MAGI2: variants seen among roughly 807,000 people sequenced by gnomAD.
The protein encoded by MAGI2 is membrane associated guanylate kinase, WW and PDZ domain containing 2.
In MAGI2, 35 loss-of-function variants were observed where a neutral mutation model predicts 133.3. The observed-to-expected ratio is 0.26, with a 90% confidence interval of 0.20 to 0.35. The LOEUF is 0.35. Ranked by LOEUF, MAGI2 falls within the 10% of genes least tolerant of loss-of-function variation. MAGI2 has a pLI of 1.00. For missense variants in MAGI2, 1,636 were observed against 1,863.4 expected (o/e 0.88, Z 2.25); for synonymous variants, 729 against 710.6 (o/e 1.03, Z -0.41).
chr7:79,295,714 A>T (rs1188515938), intron 1 of MAGI2, among the ~76,000 whole-genome samples: 1 of 152,020 alleles, frequency 6.6e-6, no homozygotes, highest in Non-Finnish European at 1.5e-5. Context: ...TTACGAAAGC[A>T]GGAATTTTTT....
chr7:79,368,961 G>GACCA (rs1734664322), intron 1 of MAGI2, among the ~76,000 whole-genome samples: 2 of 151,782 alleles, frequency 1.3e-5, no homozygotes, highest in Non-Finnish European at 2.9e-5. Context: ...CTGTGTGGTG[G>GACCA]TCTACTTCTG....
At chr7:78,841,570 C>G (rs1244239770) in intron 2 of MAGI2, among the ~76,000 whole-genome samples, 1 of 152,004 alleles carries the variant, frequency 6.6e-6, no homozygotes, top group African/African-American at 2.4e-5. Flanking sequence ...CTCCTCAAAT[C>G]TACACATCCA....
chr7:78,157,836 A>G (rs753632824), intron 16 of MAGI2, among the ~76,000 whole-genome samples: 17 of 152,200 alleles, frequency 1.1e-4, no homozygotes, highest in East Asian at 1.9e-4. Context: ...CTTTTAGTCT[A>G]TGCTTAAAGA....
At chr7:79,429,920 C>T (rs1346544065) in intron 1 of MAGI2, among the ~76,000 whole-genome samples, 3 of 151,890 alleles carry the variant, frequency 2.0e-5, no homozygotes, top group African/African-American at 7.3e-5. Context: ...GGAGTTATAA[C>T]TTAAAATTCC....
chr7:79,263,989 G>A (rs1563058816), intron 1 of MAGI2, among the ~76,000 whole-genome samples: 2 of 152,100 alleles, frequency 1.3e-5, no homozygotes, highest in African/African-American at 2.4e-5. Flanking sequence ...AAGGTCTATG[G>A]CAGAAATGTA....
chr7:78,525,113 A>G (rs1202001642), intron 3 of MAGI2, among the ~76,000 whole-genome samples: 3 of 152,232 alleles, frequency 2.0e-5, no homozygotes, highest in Non-Finnish European at 1.5e-5. Flanking sequence ...TGATATGACT[A>G]TAAATTATAC....
Position 78,401,815 on chromosome 7 carries a change from T to C in MAGI2, c.1046-32602A>G, listed in dbSNP as rs1404529561. Among the ~76,000 whole-genome samples, 4 of 152,330 alleles carry C rather than the reference T, an allele frequency of 2.6e-5. No homozygotes were observed. In the East Asian group the frequency reaches 7.7e-4, roughly 29 times the overall value. On this transcript the variant is annotated intron_variant, in intron 6 of 21. Transcript: ENST00000354212. ...GACAATAATACCTACCACACAGGAC[T>C]GAGGAAAGTATTTAAACACCTTGTA... is the stretch of plus-strand genomic sequence containing the variant.
At chr7:78,203,691 A>G (rs1436356734) in intron 10 of MAGI2, among the ~76,000 whole-genome samples, 1 of 152,256 alleles carries the variant, frequency 6.6e-6, no homozygotes, top group Non-Finnish European at 1.5e-5. Context: ...AAGGAATTTT[A>G]TATGGTAAGA....
At chr7:79,008,277 T>A (rs1043040916) in intron 1 of MAGI2, among the ~76,000 whole-genome samples, 15 of 152,136 alleles carry the variant, frequency 9.9e-5, no homozygotes, top group African/African-American at 3.6e-4. Flanking sequence ...AATTCATGAA[T>A]CTATTTGCAC....
At position 78,161,667 on chromosome 7, in the gene MAGI2, T is replaced by TAAAAAAAAAAAAAAAA. The variant is rs71515391; in HGVS notation, c.2597-1410_2597-1395dup. Among the ~76,000 whole-genome samples the TAAAAAAAAAAAAAAAA allele has an allele frequency of 1.4e-3, 99 of 68,884 alleles. 1 individual carries two copies. Among genetic ancestry groups the TAAAAAAAAAAAAAAAA allele is most frequent in the East Asian group, 1.6e-3 (3 of 1,866 alleles). The allele number at this position is 68,884 out of a possible 152,430, so 45.2% of individuals were successfully genotyped here. Reference sequence around the variant, plus strand: ...AGAGACGTTTTGTTACATCGATACCTAAAAAAAAAAAAAAAAAAAAGAAAA... The same window carrying TAAAAAAAAAAAAAAAA: ...AGAGACGTTTTGTTACATCGATACCTAAAAAAAAAAAAAAAAAAAAAAAAAAAAAAAAAAAAGAAAA... On this transcript the variant is annotated intron_variant, in intron 15 of 21. Coordinates refer to ENST00000354212, the MANE Select transcript of MAGI2 (RefSeq NM_012301.4).
chr7:78,963,628 A>T (rs1454857296), intron 2 of MAGI2, among the ~76,000 whole-genome samples: 1 of 152,026 alleles, frequency 6.6e-6, no homozygotes, highest in Non-Finnish European at 1.5e-5. Flanking sequence ...AAGTAACAAA[A>T]CTGAAACTCC....
intron 2 of MAGI2, among the ~76,000 whole-genome samples, chr7:78,781,952 G>A (rs1038739027): frequency 3.5e-4 from 53 of 152,238 alleles, no homozygotes; most frequent in African/African-American, 1.1e-3. Context: ...AAGTTCCTAC[G>A]TAATTCTTTA....
Position 78,367,340 on chromosome 7 carries a change from A to G in MAGI2, c.1103+1816T>C, listed in dbSNP as rs141216872. Among the ~76,000 whole-genome samples the G allele has an allele frequency of 6.7e-4, 102 of 152,304 alleles. 2 individuals are homozygous for G. In the East Asian group the frequency reaches 0.017, roughly 26 times the overall value. ...GACAGAGAAGAAAGGTTTTAGTTAAATCCTCTCCTGCATTGGAAGTTAGCT... is the reference window on the plus strand; with the variant it reads ...GACAGAGAAGAAAGGTTTTAGTTAAGTCCTCTCCTGCATTGGAAGTTAGCT... On this transcript the variant is annotated intron_variant, in intron 7 of 21. Coordinates refer to ENST00000354212, the MANE Select transcript of MAGI2 (RefSeq NM_012301.4).
Position 78,786,730 on chromosome 7 carries a change from A to G in MAGI2, c.419-159491T>C, listed in dbSNP as rs145754168. On this transcript the variant is annotated intron_variant, in intron 2 of 21. Coordinates refer to ENST00000354212, the MANE Select transcript of MAGI2 (RefSeq NM_012301.4). ...TTTCTAGTTCTCAGGAAGCTGCTTT[A>G]TTTTTCTTTAGTGCTTATCAGTATC... 5.9e-4 allele frequency among the ~76,000 whole-genome samples: 89 copies of G among 151,988 alleles called. 2 individuals are homozygous for G. The East Asian group carries it at 0.012, about 21-fold the overall frequency.
intron 2 of MAGI2, among the ~76,000 whole-genome samples, chr7:78,926,495 G>T (rs1300834627): frequency 6.6e-6 from 1 of 151,882 alleles, no homozygotes; most frequent in Non-Finnish European, 1.5e-5. Context: ...TCTCCCAGTT[G>T]CCCTATGCCA....
intron 2 of MAGI2, among the ~76,000 whole-genome samples, chr7:78,738,411 G>A (rs1585245365): frequency 6.6e-6 from 1 of 151,952 alleles, no homozygotes; most frequent in African/African-American, 2.4e-5. Context: ...CTAATTTAGG[G>A]TAATTTATGT....
At chr7:78,383,554 G>A (rs1026442318) in intron 6 of MAGI2, among the ~76,000 whole-genome samples, 1 of 151,996 alleles carries the variant, frequency 6.6e-6, no homozygotes, top group Non-Finnish European at 1.5e-5. Context: ...TCAACATGCT[G>A]TCTTTCCACT....
intron 3 of MAGI2, among the ~76,000 whole-genome samples, chr7:78,526,776 G>A (rs1796987614): frequency 6.6e-6 from 1 of 152,040 alleles, no homozygotes; most frequent in Non-Finnish European, 1.5e-5. Flanking sequence ...TTGGGAGGCT[G>A]AGGCGGGCAG....
intron 15 of MAGI2, 58 bp from the exon 16 acceptor site, chr7:78,160,331 T>C: frequency 6.6e-7 from 1 of 1,506,424 alleles, no homozygotes; most frequent in South Asian, 1.4e-5. Context: ...CAATGAATGC[T>C]TCCTATGTAC....
Sources: gnomAD v4.1 joint callset for allele counts (sites outside exome capture counted in the v4.1 genomes callset) on GRCh38, gnomAD v4.1.1 for gene constraint, MANE v1.5 for transcripts, NCBI Gene and HGNC (gene_info 2026-07-23, HGNC 2026-07-21) for gene names.